NCAM2: variants seen among roughly 807,000 people sequenced by gnomAD.
NCAM2 encodes the protein neural cell adhesion molecule 2, also known as N-CAM-2.
Under a neutral mutation model 98.1 loss-of-function variants are expected in NCAM2, and 30 were observed. The observed-to-expected ratio is 0.31, with a 90% CI of 0.23 to 0.41. NCAM2 has a LOEUF of 0.41. Ranked by LOEUF, NCAM2 falls within the 10% of genes least tolerant of loss-of-function variation. The pLI is 1.00. For synonymous variants in NCAM2, 368 were observed against 342.4 expected, an observed-to-expected ratio of 1.07 and a Z score of -0.83; for missense variants, 867 against 1,005.8, an observed-to-expected ratio of 0.86 and a Z score of 1.87.
intron 12 of NCAM2, among the ~76,000 whole-genome samples, chr21:21,455,876 T>C (rs1013900671): frequency 3.3e-5 from 5 of 152,014 alleles, no homozygotes; most frequent in Non-Finnish European, 5.9e-5. Context: ...AGCAATTTAT[T>C]AGAATTAATG....
intron 16 of NCAM2, among the ~76,000 whole-genome samples, chr21:21,527,888 C>T (rs114070811): frequency 6.6e-6 from 1 of 152,178 alleles, no homozygotes; most frequent in South Asian, 2.1e-4. Flanking sequence ...TACACCAAAA[C>T]CGCACACTGA....
intron 1 of NCAM2, among the ~76,000 whole-genome samples, chr21:21,085,876 G>A (rs2065897275): frequency 6.6e-6 from 1 of 152,120 alleles, no homozygotes; most frequent in South Asian, 2.1e-4. Context: ...CAGCAAGTAT[G>A]ATTTTTAAGT....
At position 21,403,490 on chromosome 21, in the gene NCAM2, C is replaced by G. The variant is rs373451968; in HGVS notation, c.1196-6784C>G. ...TAAGGTTGAGACATTCATCTTTTTC[C>G]TCCACAAACTCTCAATGTGCCAGTT... On this transcript the variant is annotated intron_variant, in intron 9 of 17. Coordinates refer to ENST00000400546, the MANE Select transcript of NCAM2 (RefSeq NM_004540.5). Among the ~76,000 whole-genome samples the G allele has an allele frequency of 3.9e-5, 6 of 152,204 alleles. No homozygotes were observed. The East Asian group carries it at 9.6e-4, about 24-fold the overall frequency.
At chr21:21,265,133 A>G (rs1298554279) in intron 1 of NCAM2, among the ~76,000 whole-genome samples, 3 of 118,260 alleles carry the variant, frequency 2.5e-5, no homozygotes, top group Admixed American at 9.9e-5. Flanking sequence ...TATTATATAT[A>G]CATATATAAT....
intron 1 of NCAM2, among the ~76,000 whole-genome samples, chr21:21,152,236 T>G (rs2067469621): frequency 6.6e-6 from 1 of 152,092 alleles, no homozygotes; most frequent in Non-Finnish European, 1.5e-5. Context: ...GCATTTAATT[T>G]AGATTTTGTA....
At chr21:21,399,351 G>C (rs961638866) in intron 9 of NCAM2, among the ~76,000 whole-genome samples, 1 of 152,052 alleles carries the variant, frequency 6.6e-6, no homozygotes, top group Non-Finnish European at 1.5e-5. Flanking sequence ...TATTACATGT[G>C]AAAATAACTC....
chr21:21,225,473 T>C (rs1392638125), intron 1 of NCAM2, among the ~76,000 whole-genome samples: 1 of 152,080 alleles, frequency 6.6e-6, no homozygotes, highest in African/African-American at 2.4e-5. Flanking sequence ...AATTTACATA[T>C]ACGGCAGTTT....
At chr21:21,118,265 C>T (rs1409357245) in intron 1 of NCAM2, among the ~76,000 whole-genome samples, 5 of 152,154 alleles carry the variant, frequency 3.3e-5, no homozygotes, top group Non-Finnish European at 5.9e-5. Flanking sequence ...TAGGCATAGG[C>T]GTACAAGTCA....
intron 5 of NCAM2, among the ~76,000 whole-genome samples, chr21:21,316,632 C>T (rs967142011): frequency 1.3e-5 from 2 of 150,346 alleles, no homozygotes; most frequent in Non-Finnish European, 3.0e-5. Context: ...CAACCTCTGC[C>T]TCCCAGGTTC....
At chr21:21,350,610 T>G (rs183121489) in intron 8 of NCAM2, among the ~76,000 whole-genome samples, 118 of 152,296 alleles carry the variant, frequency 7.7e-4, no homozygotes, top group African/African-American at 2.7e-3. Context: ...TTGCATAATG[T>G]GATATCCTTC....
At chr21:21,410,119 C>T (rs760040877) in intron 9 of NCAM2, among the ~76,000 whole-genome samples, 155 bp from the exon 10 acceptor site, 16 of 149,920 alleles carry the variant, frequency 1.1e-4, no homozygotes, top group Non-Finnish European at 1.6e-4. Flanking sequence ...GGCGACAGGG[C>T]GAGACTCCGT....
chr21:21,537,234 A>T (rs1043532368), intron 17 of NCAM2, among the ~76,000 whole-genome samples: 3 of 151,936 alleles, frequency 2.0e-5, no homozygotes, highest in Non-Finnish European at 4.4e-5. Flanking sequence ...TTTAGTAGAT[A>T]CCTGGTTTCA....
chr21:21,329,439 G>A (rs1011255057), intron 6 of NCAM2, among the ~76,000 whole-genome samples: 1 of 152,026 alleles, frequency 6.6e-6, no homozygotes, highest in Non-Finnish European at 1.5e-5. Context: ...TACCATCTTG[G>A]TTTGTGTTAA....
At chr21:21,173,317 G>C (rs868208015) in intron 1 of NCAM2, among the ~76,000 whole-genome samples, 1 of 152,156 alleles carries the variant, frequency 6.6e-6, no homozygotes, top group Non-Finnish European at 1.5e-5. Context: ...GAAGAGTTAT[G>C]TATAGTATTA....
chr21:21,497,878 A>G (rs1416649455), intron 15 of NCAM2, among the ~76,000 whole-genome samples: 2 of 152,150 alleles, frequency 1.3e-5, no homozygotes, highest in African/African-American at 4.8e-5. Flanking sequence ...AATAAGCATT[A>G]GCCTTTTTTT....
intron 6 of NCAM2, among the ~76,000 whole-genome samples, chr21:21,326,363 T>C (rs1968492177): frequency 1.3e-5 from 2 of 152,176 alleles, no homozygotes; most frequent in South Asian, 2.1e-4. Context: ...TAGGATAATA[T>C]TAGAACACTT....
chr21:21,065,740 G>A (rs1046894258), intron 1 of NCAM2, among the ~76,000 whole-genome samples: 6 of 152,090 alleles, frequency 3.9e-5, no homozygotes, highest in Admixed American at 6.6e-5. Flanking sequence ...GAAGTGCTTC[G>A]TTATTTTGAT....
chr21:21,491,536 A>C (rs1245595545), intron 15 of NCAM2, among the ~76,000 whole-genome samples: 1 of 151,822 alleles, frequency 6.6e-6, no homozygotes. Flanking sequence ...TATAAGTAAT[A>C]TAAAAATTAT....
chr21:21,252,436 C>A (rs972990365), intron 1 of NCAM2, among the ~76,000 whole-genome samples: 4 of 150,396 alleles, frequency 2.7e-5, no homozygotes, highest in Non-Finnish European at 5.9e-5. Context: ...ATTATTATAA[C>A]CCATATAATA....
Sources: allele counts gnomAD v4.1 joint callset (sites outside exome capture counted in the v4.1 genomes callset), GRCh38; gene constraint gnomAD v4.1.1; transcripts MANE v1.5; gene names NCBI Gene and HGNC (gene_info 2026-07-23, HGNC 2026-07-21).